PDZD2: variants seen among roughly 807,000 people sequenced by gnomAD.
PDZD2 encodes PDZ domain containing 2.
Under a neutral mutation model 220.7 loss-of-function variants are expected in PDZD2, and 90 were observed. The ratio of observed to expected loss-of-function variants is 0.41; its 90% CI spans 0.34 to 0.49. The LOEUF (loss-of-function observed/expected upper bound fraction) is 0.49. Among genes scored for constraint, PDZD2 ranks in the 20% least tolerant of loss-of-function variants. The probability of loss-of-function intolerance (pLI) is 0.28; values close to 1 mark genes in which losing one functional copy is unlikely to be tolerated. For missense variants in PDZD2, 3,174 were observed against 3,608.5 expected (o/e 0.88, Z 3.08); for synonymous variants, 1,375 against 1,450.5 (o/e 0.95, Z 1.18).
At chr5:31,691,338 G>A (rs1015273637) in intron 1 of PDZD2, among the ~76,000 whole-genome samples, 2 of 152,276 alleles carry the variant, frequency 1.3e-5, no homozygotes, top group African/African-American at 4.8e-5. Context: ...GCTCATAAAG[G>A]CAGTGTGGAC....
At chr5:31,997,103 G>A (rs1751697736) in intron 4 of PDZD2, among the ~76,000 whole-genome samples, 1 of 152,132 alleles carries the variant, frequency 6.6e-6, no homozygotes, top group African/African-American at 2.4e-5. Context: ...TACGTATGTT[G>A]TATGCCCACA....
chr5:31,945,028 G>A (rs1194874667), intron 2 of PDZD2, among the ~76,000 whole-genome samples: 1 of 152,214 alleles, frequency 6.6e-6, no homozygotes, highest in Non-Finnish European at 1.5e-5. Flanking sequence ...TTTATTAAGT[G>A]TGTCATTGGA....
chr5:31,729,001 G>A (rs556987343), intron 1 of PDZD2, among the ~76,000 whole-genome samples: 64 of 151,788 alleles, frequency 4.2e-4, no homozygotes, highest in African/African-American at 1.5e-3. Flanking sequence ...ATTACAGGCT[G>A]AGCCACCGCG....
intron 1 of PDZD2, among the ~76,000 whole-genome samples, chr5:31,784,606 TA>T (rs1487218525): frequency 6.6e-6 from 1 of 151,694 alleles, no homozygotes; most frequent in African/African-American, 2.4e-5. Context: ...ACTCTAAGAG[TA>T]AGAAGTTAGT....
intron 2 of PDZD2, among the ~76,000 whole-genome samples, chr5:31,931,242 C>G (rs1294924585): frequency 6.6e-6 from 1 of 152,134 alleles, no homozygotes; most frequent in Non-Finnish European, 1.5e-5. Context: ...AGGCTGGTTT[C>G]GAACGCCTGA....
chr5:31,651,304 G>A (rs1015047234), intron 1 of PDZD2, among the ~76,000 whole-genome samples: 8 of 152,300 alleles, frequency 5.3e-5, no homozygotes, highest in African/African-American at 1.2e-4. Flanking sequence ...GCCATTTGAT[G>A]TATCATGCAC....
In PDZD2 at chr5:32,108,203, A is replaced by G; in HGVS notation, c.*68A>G. On this transcript the variant is annotated 3_prime_UTR_variant, in exon 25 of 25. Coordinates refer to ENST00000438447, the MANE Select transcript of PDZD2 (RefSeq NM_178140.4). ...CAAATCAGAGTGACTTCTTTAAACCACAGGTTGTTGAAATGGCCAACACTG... is the reference window on the plus strand; with the variant it reads ...CAAATCAGAGTGACTTCTTTAAACCGCAGGTTGTTGAAATGGCCAACACTG... 8.7e-7 allele frequency: 1 copy of G among 1,144,908 alleles called. No individual in the cohort carries two copies. The highest frequency in any genetic ancestry group is 1.3e-6 in the Non-Finnish European group (1 of 798,176). The allele number at this position is 1,144,908 out of a possible 1,614,324, so 70.9% of individuals were successfully genotyped here. A position where few individuals can be genotyped will look rare whatever the true frequency, so the allele number is the denominator to read the frequency against.
chr5:31,905,439 G>C (rs978230858), intron 2 of PDZD2, among the ~76,000 whole-genome samples: 6 of 152,102 alleles, frequency 3.9e-5, no homozygotes, highest in Non-Finnish European at 8.8e-5. Context: ...AGGATGCTGG[G>C]GTTGCTTTTC....
At chr5:32,041,548 C>G (rs574675891) in intron 7 of PDZD2, among the ~76,000 whole-genome samples, 2 of 152,094 alleles carry the variant, frequency 1.3e-5, no homozygotes, top group African/African-American at 4.8e-5. Flanking sequence ...CCCCCAACCC[C>G]GTGCTCTCTG....
At chr5:31,940,629 A>G (rs1336649161) in intron 2 of PDZD2, among the ~76,000 whole-genome samples, 3 of 152,240 alleles carry the variant, frequency 2.0e-5, no homozygotes, top group African/African-American at 7.2e-5. Context: ...GGGGGTTGTC[A>G]GGTAGCCTAA....
chr5:31,745,480 A>C (rs1241282166), intron 1 of PDZD2, among the ~76,000 whole-genome samples: 1 of 152,224 alleles, frequency 6.6e-6, no homozygotes, highest in Non-Finnish European at 1.5e-5. Context: ...TTTGTCCTCC[A>C]AGAAGCTCTC....
chr5:31,884,314 T>C (rs887061766), intron 2 of PDZD2, among the ~76,000 whole-genome samples: 5 of 152,216 alleles, frequency 3.3e-5, no homozygotes, highest in African/African-American at 1.2e-4. Context: ...TGGCCGATCT[T>C]GTTTCTGTTA....
chr5:31,865,235 C>T (rs1217816513), intron 2 of PDZD2, among the ~76,000 whole-genome samples: 1 of 152,166 alleles, frequency 6.6e-6, no homozygotes, highest in Non-Finnish European at 1.5e-5. Context: ...TCAGCCTTCT[C>T]CCTCCAATGT....
chr5:31,917,082 A>G (rs1432216642), intron 2 of PDZD2, among the ~76,000 whole-genome samples: 1 of 152,172 alleles, frequency 6.6e-6, no homozygotes, highest in African/African-American at 2.4e-5. Flanking sequence ...AACCAGATGG[A>G]GCTGGCAAGG....
intron 2 of PDZD2, among the ~76,000 whole-genome samples, chr5:31,863,940 G>C (rs191507137): frequency 3.9e-5 from 6 of 152,234 alleles, no homozygotes; most frequent in African/African-American, 1.4e-4. Flanking sequence ...GCATGTGAGC[G>C]TAACTTACAG....
At chr5:31,898,374 C>T (rs571970559) in intron 2 of PDZD2, among the ~76,000 whole-genome samples, 37 of 152,216 alleles carry the variant, frequency 2.4e-4, no homozygotes, top group Non-Finnish European at 4.0e-4. Context: ...TTGCCAGGGA[C>T]GGACAAAGGA....
chr5:31,801,643 C>T (rs976125924), intron 2 of PDZD2, among the ~76,000 whole-genome samples: 3 of 152,130 alleles, frequency 2.0e-5, no homozygotes, highest in Non-Finnish European at 4.4e-5. Context: ...GGGCTGCCTC[C>T]TTGGGTTCCC....
At chr5:31,693,883 A>G (rs1747253788) in intron 1 of PDZD2, among the ~76,000 whole-genome samples, 1 of 152,128 alleles carries the variant, frequency 6.6e-6, no homozygotes, top group Non-Finnish European at 1.5e-5. Flanking sequence ...CAGATTTCTC[A>G]CCTGGAAAAT....
At chr5:31,711,233 C>T (rs915621729) in intron 1 of PDZD2, among the ~76,000 whole-genome samples, 18 of 152,210 alleles carry the variant, frequency 1.2e-4, no homozygotes, top group Admixed American at 2.6e-4. Context: ...TTCCTAATGG[C>T]TTTGCACCAG....
Sources: gnomAD v4.1 joint callset for allele counts (sites outside exome capture counted in the v4.1 genomes callset) on GRCh38, gnomAD v4.1.1 for gene constraint, MANE v1.5 for transcripts, NCBI Gene and HGNC (gene_info 2026-07-23, HGNC 2026-07-21) for gene names.